The following RECQL4 variants were observed in gnomAD, a reference collection of about 807,000 sequenced individuals.
The protein encoded by RECQL4 is ATP-dependent DNA helicase Q4.
RECQL4 carries 158 observed loss-of-function variants against 128.6 expected under a neutral mutation model. The observed-to-expected ratio is 1.23, with a 90% confidence interval of 1.08 to 1.40. The LOEUF (loss-of-function observed/expected upper bound fraction) is 1.40. Ranked by LOEUF, RECQL4 falls within the 40% of genes most tolerant of loss-of-function variation. The probability of loss-of-function intolerance (pLI) is 0.00; values close to 1 mark genes in which losing one functional copy is unlikely to be tolerated. For missense variants in RECQL4, 2,293 were observed against 1,649.8 expected (o/e 1.39, Z -6.75); for synonymous variants, 996 against 678.9 (o/e 1.47, Z -7.26).
In RECQL4 at chr8:144,514,456, A is replaced by G; in HGVS notation, c.1690T>C (p.Ser564Pro). ...GAGGCCCCCACCTTCTGCAGGACAG[A>G]TTCCCGTTGCTTCCTGGTCATGCCC... ...HSGMTRKQRESVLQKIRAAQV... is the reference protein window; with the variant it reads ...HSGMTRKQREPVLQKIRAAQV... Residue 564 changes from serine to proline, a missense_variant, in exon 10 of 21, where the codon TCT (serine) becomes CCT (proline). Coordinates refer to ENST00000617875, the MANE Select transcript of RECQL4 (RefSeq NM_004260.4). 1 of 1,612,148 alleles carries G rather than the reference A, an allele frequency of 6.2e-7. No individual in the cohort carries two copies. The highest frequency in any genetic ancestry group is 8.5e-7 in the Non-Finnish European group (1 of 1,179,492).
Position 144,517,654 on chromosome 8 carries a change from A to AGCCGCGG in RECQL4, c.85-26_85-20dup. 1 of 1,472,734 alleles carries AGCCGCGG rather than the reference A, an allele frequency of 6.8e-7. No individual in the cohort carries two copies. Among genetic ancestry groups the AGCCGCGG allele is most frequent in the Non-Finnish European group, 8.9e-7 (1 of 1,119,120 alleles). The allele number at this position is 1,472,734 out of a possible 1,614,324, so 91.2% of individuals were successfully genotyped here. A position where few individuals can be genotyped will look rare whatever the true frequency, so the allele number is the denominator to read the frequency against. ...CGTCGTCCTGTAAAGGGAACGCGTC[A>AGCCGCGG]GCCGCGGGCCGCGCCCTCAGCCCCT... On this transcript the variant is annotated intron_variant, in intron 1 of 20. Coordinates refer to ENST00000617875, the MANE Select transcript of RECQL4 (RefSeq NM_004260.4).
rs760080894 is a variant in RECQL4 at position 144,514,977 on chromosome 8, T to C, written c.1579A>G (p.Thr527Ala). The stretch of plus-strand genomic sequence containing the variant: ...GACAGCAGGGGAGAGACGACCAACG[T>C]GAGGCAGGGGCTGCGCCGGCTGTAG... Reference protein sequence around the residue: ...LLYSRRSPCLTLVVSPLLSLM... With the variant: ...LLYSRRSPCLALVVSPLLSLM... The change falls in exon 9 of 21, where the codon ACG becomes GCG. Residue 527 changes from threonine (T) to alanine (A), a missense_variant. Transcript: ENST00000617875. The C allele has an allele frequency of 2.6e-5, 42 of 1,611,782 alleles. No individual in the cohort carries two copies. The highest frequency in any genetic ancestry group is 3.4e-5 in the Non-Finnish European group (40 of 1,179,614).
At chr8:144,511,834 C>G (rs1182683986) in intron 19 of RECQL4, 45 bp from the exon 20 acceptor site, 1 of 1,610,894 alleles carries the variant, frequency 6.2e-7, no homozygotes, top group East Asian at 2.2e-5. Flanking sequence ...TCCCGTGGCA[C>G]TGCATCCACA....
chr8:144,514,903 T>A lies in RECQL4; in HGVS notation c.1620+33A>T, dbSNP rs35530621. ...GGAGTCACAAGTGCTGGTTCTTGGC[T>A]GTGTACGTGTGCCCAGGGCCCTGTG... is the stretch of plus-strand genomic sequence containing the variant. On this transcript the variant is annotated intron_variant, in intron 9 of 20. Transcript: ENST00000617875. The A allele has an allele frequency of 1.3e-3, 2,047 of 1,607,264 alleles. 26 individuals carry two copies. In the African/African-American group the frequency reaches 0.021, roughly 17 times the overall value.
Position 144,514,310 on chromosome 8 carries a change from C to T in RECQL4, c.1757G>A (p.Gly586Glu), listed in dbSNP as rs1060501369. The T allele has an allele frequency of 3.7e-6, 6 of 1,609,572 alleles. No individual in the cohort carries two copies. Among genetic ancestry groups the T allele is most frequent in the Non-Finnish European group, 5.1e-6 (6 of 1,178,462 alleles). The stretch of plus-strand genomic sequence containing the variant: ...TGCGGCTGGAGGGAGGCCTCCCGCC[C>T]CCACCAGTGCCTCAGGTGTCAGCAT... ...VLMLTPEALV[G>E]AGGLPPAAQL... The change falls in exon 11 of 21, where the codon GGG (glycine) becomes GAG (glutamate). Residue 586 changes from glycine (G) to glutamate (E), a missense_variant. Gly to Glu is a moderately conservative substitution (Grantham distance 98). Transcript: ENST00000617875.
intron 3 of RECQL4, 25 bp downstream of exon 3, chr8:144,517,389 G>C (rs1432960414): frequency 6.5e-7 from 1 of 1,547,388 alleles, no homozygotes; most frequent in African/African-American, 1.4e-5. Flanking sequence ...AGTGGGAGGA[G>C]GCTGGGGCGG....
rs2130744969 is a variant in RECQL4 at position 144,517,691 on chromosome 8, C to T, written c.84+10G>A. ...CGCCCTCAGCCCCTCGGCCCCTGGG[C>T]AGCCCGCACCTGGCTCGGTCGCCGC... is the stretch of plus-strand genomic sequence containing the variant. On this transcript the variant is annotated intron_variant, in intron 1 of 20. Coordinates refer to ENST00000617875, the MANE Select transcript of RECQL4 (RefSeq NM_004260.4). The T allele has an allele frequency of 7.1e-7, 1 of 1,416,684 alleles. No individual in the cohort carries two copies. Among genetic ancestry groups the T allele is most frequent in the African/African-American group, 1.5e-5 (1 of 66,454 alleles). 87.8% of individuals were successfully genotyped at this position (1,416,684 alleles called of 1,614,324 possible). A position where few individuals can be genotyped will look rare whatever the true frequency, so the allele number is the denominator to read the frequency against.
chr8:144,514,205 T>C lies in RECQL4; in HGVS notation c.1862A>G (p.Tyr621Cys), dbSNP rs1276825615. Residue 621 changes from tyrosine to cysteine, a missense_variant, in exon 11 of 21, where the codon TAC becomes TGC. Coordinates refer to ENST00000617875, the MANE Select transcript of RECQL4 (RefSeq NM_004260.4). ...ATGGCTCACCTTGCAGACGCGCAGG[T>C]AGCAGGGCCGGAAGTTGTGGGACCA... is the stretch of plus-strand genomic sequence containing the variant. ...SQWSHNFRPC[Y>C]LRVCKVLRER... The C allele has an allele frequency of 6.2e-7, 1 of 1,612,052 alleles. No homozygotes were observed.
intron 12 of RECQL4, 43 bp from the exon 13 acceptor site, chr8:144,513,755 G>C: frequency 6.7e-7 from 1 of 1,500,002 alleles, no homozygotes; most frequent in Non-Finnish European, 8.9e-7. Context: ...AGTGAGGAGG[G>C]GTCGGCGTGT....
Position 144,512,408 on chromosome 8 carries a change from G to T in RECQL4, c.3039C>A (p.Asp1013Glu). ...VRRALCQLQW[D>E]HEPRTGVRRG... ...GAGGCGCACCTGTCCTGGGCTCGTGGTCCCACTGCAGCTGGCAGAGAGCCC... is the reference window on the plus strand; with the variant it reads ...GAGGCGCACCTGTCCTGGGCTCGTGTTCCCACTGCAGCTGGCAGAGAGCCC... Residue 1013 changes from aspartate (D) to glutamate (E), a missense_variant, in exon 17 of 21, where the codon GAC (aspartate) becomes GAA (glutamate). Coordinates refer to ENST00000617875, the MANE Select transcript of RECQL4 (RefSeq NM_004260.4). 6.2e-7 allele frequency: 1 copy of T among 1,607,410 alleles called. No homozygotes were observed. The highest frequency in any genetic ancestry group is 1.7e-4 in the Middle Eastern group (1 of 6,046).
At position 144,512,190 on chromosome 8, in the gene RECQL4, G is replaced by T. The variant is rs781751586; in HGVS notation, c.3190C>A (p.Arg1064Ser). 1.2e-6 allele frequency: 2 copies of T among 1,611,944 alleles called. No individual in the cohort carries two copies. The highest frequency in any genetic ancestry group is 1.7e-6 in the Non-Finnish European group (2 of 1,179,642). Residue 1064 changes from arginine to serine, a missense_variant, in exon 18 of 21, where the codon CGC becomes AGC. Transcript: ENST00000617875. ...CTGCGCAGACGGGCCAGGGCCTGGCGCTCCCGGGCCTGCACACGGCCATAG... is the reference window on the plus strand; with the variant it reads ...CTGCGCAGACGGGCCAGGGCCTGGCTCTCCCGGGCCTGCACACGGCCATAG... ...FLYGRVQARE[R>S]QALARLRRTF...
intron 12 of RECQL4, 58 bp downstream of exon 12, chr8:144,513,870 T>A (rs1275557013): frequency 7.4e-7 from 1 of 1,356,900 alleles, no homozygotes; most frequent in Non-Finnish European, 9.7e-7. Context: ...TGAGGAGGGG[T>A]CGGCGTGGGC....
rs1192096078 is a variant in RECQL4, at chr8:144,512,154, C to A, written c.3226G>T (p.Ala1076Ser). 6.2e-7 allele frequency: 1 copy of A among 1,608,816 alleles called. No individual in the cohort carries two copies. Among genetic ancestry groups the A allele is most frequent in the Non-Finnish European group, 8.5e-7 (1 of 1,177,936 alleles). The change falls in exon 18 of 21, where the codon GCC becomes TCC. Residue 1076 changes from alanine to serine, a missense_variant. Ala to Ser is a moderately conservative substitution (Grantham distance 99). Transcript: ENST00000617875. ...CCGCCTCCTCCCAACCTGTGAAAGG[C>A]CTGGAAGGTTCTGCGCAGACGGGCC... ...ALARLRRTFQ[A>S]FHSVAFPSCG...
In RECQL4 at chr8:144,516,443, C is replaced by T. The variant is rs2130724478; in HGVS notation, c.676G>A (p.Ala226Thr). 6.2e-7 allele frequency: 1 copy of T among 1,608,700 alleles called. No homozygotes were observed. The change falls in exon 5 of 21, where the codon GCT becomes ACT. Residue 226 changes from alanine (A) to threonine (T), a missense_variant. Transcript: ENST00000617875. The part of the protein sequence containing the change: ...ESQLLIPGES[A>T]VLGPGAGSQG... ...GAGCCAGCACCAGGACCAAGGACAG[C>T]CGACTCACCAGGGATCAGAAGTTGT...
At chr8:144,515,121 C>A in intron 8 of RECQL4, 29 bp downstream of exon 8, 2 of 1,575,056 alleles carry the variant, frequency 1.3e-6, no homozygotes, top group East Asian at 2.4e-5. Flanking sequence ...TGGCCTCAGC[C>A]CAGCCTCAGC....
rs1315586319 is a variant in RECQL4, at chr8:144,512,138, C to T, written c.3236+6G>A. 5 of 1,605,256 alleles carry T rather than the reference C, an allele frequency of 3.1e-6. No homozygotes were observed. The highest frequency in any genetic ancestry group is 3.4e-6 in the Non-Finnish European group (4 of 1,175,900). The stretch of plus-strand genomic sequence containing the variant: ...TGGTCCCAGGCCCCGCCCGCCTCCT[C>T]CCAACCTGTGAAAGGCCTGGAAGGT... On this transcript the variant is annotated splice_donor_region_variant and intron_variant, in intron 18 of 20. Transcript: ENST00000617875.
At position 144,514,222 on chromosome 8, in the gene RECQL4, G is replaced by A; in HGVS notation, c.1845C>T (p.His615=). 1 of 1,612,342 alleles carries A rather than the reference G, an allele frequency of 6.2e-7. No individual in the cohort carries two copies. ...CGCGCAGGTAGCAGGGCCGGAAGTT[G>A]TGGGACCACTGGGAGAGGCAGTGGG... ...DEAHCLSQWS[H]NFRPCYLRVC... Residue 615 remains histidine, a synonymous_variant, in exon 11 of 21, where the codon CAC becomes CAT. Coordinates refer to ENST00000617875, the MANE Select transcript of RECQL4 (RefSeq NM_004260.4).
Position 144,512,331 on chromosome 8 carries a change from G to C in RECQL4, c.3056-7C>G. Reference sequence around the variant, plus strand: ...CCTGTCCCACGCCGCACACCTGCCGGAAAGCATGTCAGATGCAGGCAGGCA... The same window carrying C: ...CCTGTCCCACGCCGCACACCTGCCGCAAAGCATGTCAGATGCAGGCAGGCA... On this transcript the variant is annotated splice_region_variant and splice_polypyrimidine_tract_variant and intron_variant, in intron 17 of 20. Coordinates refer to ENST00000617875, the MANE Select transcript of RECQL4 (RefSeq NM_004260.4). The C allele has an allele frequency of 1.9e-6, 3 of 1,612,012 alleles. No homozygotes were observed. The highest frequency in any genetic ancestry group is 2.5e-6 in the Non-Finnish European group (3 of 1,179,448).
rs1002397552 is a variant in RECQL4 at position 144,515,834 on chromosome 8, T to C, written c.1188A>G (p.Thr396=). ...GGAAACAAGACTCCTTGGTTGTGACTGTGGCACCACCACCCCCAAAACACT... is the reference window on the plus strand; with the variant it reads ...GGAAACAAGACTCCTTGGTTGTGACCGTGGCACCACCACCCCCAAAACACT... ...KGECFGGGGA[T]VTTKESCFLN... is the part of the protein sequence containing the mutation. Residue 396 remains threonine, a synonymous_variant, in exon 6 of 21, where the codon ACA becomes ACG. Transcript: ENST00000617875. 1.8e-5 allele frequency: 29 copies of C among 1,612,776 alleles called. No homozygotes were observed. The highest frequency in any genetic ancestry group is 2.4e-5 in the Non-Finnish European group (28 of 1,179,788).
Sources: allele counts gnomAD v4.1 joint callset, GRCh38; gene constraint gnomAD v4.1.1; transcripts MANE v1.5; gene names NCBI Gene and HGNC (gene_info 2026-07-23, HGNC 2026-07-21).